The following PLCB3 variants were observed in gnomAD, a reference collection of about 807,000 sequenced individuals.
The protein encoded by PLCB3 is 1-phosphatidylinositol 4,5-bisphosphate phosphodiesterase beta-3.
A neutral mutation model predicts 152.1 loss-of-function variants in PLCB3; 54 were observed. The observed-to-expected ratio is 0.36, with a 90% confidence interval of 0.29 to 0.45. PLCB3 has a LOEUF of 0.45. PLCB3 is among the 20% of genes least tolerant of loss of function. The pLI is 1.00. For missense variants in PLCB3, 1,248 were observed against 1,687.5 expected (o/e 0.74, Z 4.56); for synonymous variants, 717 against 698.7 (o/e 1.03, Z -0.41).
In PLCB3 at chr11:64,255,634, A is replaced by ATG; in HGVS notation, c.597+18_597+19insTG. Reference sequence around the variant, plus strand: ...TCAACCGGGTGTGTGGGGTGGGGACAGGGGCGGGGTGGGGTGTCACGGTGG... The same window carrying ATG: ...TCAACCGGGTGTGTGGGGTGGGGACATGGGGGCGGGGTGGGGTGTCACGGTGG... On this transcript the variant is annotated intron_variant, in intron 7 of 30. Coordinates refer to ENST00000279230, the MANE Select transcript of PLCB3 (RefSeq NM_000932.5). The surrounding 1 kb of genome is among the most constrained non-coding windows in gnomAD (Gnocchi z 6.8). The ATG allele has an allele frequency of 3.4e-6, 2 of 583,234 alleles. No individual in the cohort carries two copies. The highest frequency in any genetic ancestry group is 6.1e-6 in the Non-Finnish European group (2 of 325,562). 36.1% of individuals were successfully genotyped at this position (583,234 alleles called of 1,614,324 possible). A position where few individuals can be genotyped will look rare whatever the true frequency, so the allele number is the denominator to read the frequency against.
chr11:64,256,997 C>CT lies in PLCB3; in HGVS notation c.1012+257dup, dbSNP rs5792316. On this transcript the variant is annotated intron_variant, in intron 10 of 30. Coordinates refer to ENST00000279230, the MANE Select transcript of PLCB3 (RefSeq NM_000932.5). ...CTGCAGCAGGAGAGACTTCAGGGTC[C>CT]TTTTTTTTTTTTTTTTTTTTTTTTG... 5.5e-3 allele frequency among the ~76,000 whole-genome samples: 336 copies of CT among 61,492 alleles called. 18 individuals are homozygous for CT. The highest frequency in any genetic ancestry group is 0.021 in the African/African-American group (310 of 14,916). 40.3% of individuals were successfully genotyped at this position (61,492 alleles called of 152,430 possible). A position where few individuals can be genotyped will look rare whatever the true frequency, so the allele number is the denominator to read the frequency against.
rs1277317788 is a variant in PLCB3 at position 64,258,499 on chromosome 11, G to C, written c.1039G>C (p.Val347Leu). ...TAGQLAGTSS[V>L]EMYRQALLWG... ...GGGGCAGCTGGCTGGGACCTCGTCG[G>C]TGGAGATGTACCGCCAGGCACTACT... The change falls in exon 11 of 31, where the codon GTG becomes CTG. Residue 347 changes from valine (V) to leucine (L), a missense_variant. Transcript: ENST00000279230. This position sits in a 1 kb window ranked among gnomAD's most constrained non-coding sequence, Gnocchi z 7.2. 6.2e-7 allele frequency: 1 copy of C among 1,613,580 alleles called. No homozygotes were observed. The highest frequency in any genetic ancestry group is 1.7e-5 in the Admixed American group (1 of 60,024).
rs148059922 is a variant in PLCB3, at chr11:64,265,919, G to C, written c.3069G>C (p.Glu1023Asp). 6.7e-4 allele frequency: 1,086 copies of C among 1,613,428 alleles called. 3 individuals are homozygous for C. In the African/African-American group the frequency reaches 0.013, roughly 19 times the overall value. The change falls in exon 26 of 31, where the codon GAG becomes GAC. Residue 1023 changes from glutamate to aspartate, a missense_variant. Physicochemically the swap from Glu to Asp is conservative, Grantham distance 45. Coordinates refer to ENST00000279230, the MANE Select transcript of PLCB3 (RefSeq NM_000932.5). Reference protein sequence around the residue: ...GGAADVEDTKEGEDEAKRYQE... With the variant: ...GGAADVEDTKDGEDEAKRYQE... ...CCGCTGATGTGGAGGACACGAAGGA[G>C]GGGGAGGACGAGGCAAAGCGGTATC...
At position 64,255,078 on chromosome 11, in the gene PLCB3, T is replaced by C; in HGVS notation, c.387+40T>C. On this transcript the variant is annotated intron_variant, in intron 4 of 30. Transcript: ENST00000279230. The surrounding 1 kb of genome is among the most constrained non-coding windows in gnomAD (Gnocchi z 6.8). ...AGGGGACGAAGGGGGAGTCACTGTC[T>C]TATTCTGTGAGTCGGCCGTCACTTA... 1 of 1,579,700 alleles carries C rather than the reference T, an allele frequency of 6.3e-7. No homozygotes were observed. Among genetic ancestry groups the C allele is most frequent in the Non-Finnish European group, 8.6e-7 (1 of 1,158,704 alleles).
chr11:64,254,674 G>A, intron 2 of PLCB3, 74 bp from the exon 3 acceptor site: 1 of 1,529,702 alleles, frequency 6.5e-7, no homozygotes, highest in South Asian at 1.1e-5. Flanking sequence ...CCCTGGCCTG[G>A]GTAGAGAGCT....
At chr11:64,252,705 G>A (rs1025843064) in intron 1 of PLCB3, among the ~76,000 whole-genome samples, 1 of 152,108 alleles carries the variant, frequency 6.6e-6, no homozygotes, top group African/African-American at 2.4e-5. Context: ...CCCAGGGGCC[G>A]GGGGAGACCC....
rs1305986535 is a variant in PLCB3 at position 64,255,932 on chromosome 11, G to A, written c.698+111G>A. ...AAACTGGTGGGCCGGGTCCTGGAGC[G>A]CCAGGGGGCGGAGGGGTGCCCAGGG... On this transcript the variant is annotated intron_variant, in intron 8 of 30. Transcript: ENST00000279230. This position sits in a 1 kb window ranked among gnomAD's most constrained non-coding sequence, Gnocchi z 6.8. 1.1e-4 allele frequency: 95 copies of A among 840,078 alleles called. No homozygotes were observed. Among genetic ancestry groups the A allele is most frequent in the Non-Finnish European group, 1.4e-4 (71 of 501,504 alleles). The allele number at this position is 840,078 out of a possible 1,614,324, so 52.0% of individuals were successfully genotyped here.
chr11:64,262,044 G>A lies in PLCB3; in HGVS notation c.2006G>A (p.Cys669Tyr). ...CCCCAGCTCTTCTGGAACGTAGGGT[G>A]CCAGCTTGTTGCGCTCAACTTCCAG... ...YMPQLFWNVG[C>Y]QLVALNFQTL... The change falls in exon 17 of 31, where the codon TGC becomes TAC. Residue 669 changes from cysteine (C) to tyrosine (Y), a missense_variant. Transcript: ENST00000279230. 6.2e-7 allele frequency: 1 copy of A among 1,614,152 alleles called. No individual in the cohort carries two copies. The highest frequency in any genetic ancestry group is 8.5e-7 in the Non-Finnish European group (1 of 1,179,998).
Position 64,267,676 on chromosome 11 carries a change from A to T in PLCB3, c.*120A>T. 2.4e-6 allele frequency: 2 copies of T among 840,502 alleles called. No individual in the cohort carries two copies. Among genetic ancestry groups the T allele is most frequent in the Non-Finnish European group, 1.8e-6 (1 of 557,922 alleles). 52.1% of individuals were successfully genotyped at this position (840,502 alleles called of 1,614,324 possible). A position where few individuals can be genotyped will look rare whatever the true frequency, so the allele number is the denominator to read the frequency against. On this transcript the variant is annotated 3_prime_UTR_variant, in exon 31 of 31. Coordinates refer to ENST00000279230, the MANE Select transcript of PLCB3 (RefSeq NM_000932.5). The surrounding 1 kb of genome is among the most constrained non-coding windows in gnomAD (Gnocchi z 5.2). ...TTTATCTAGAAATTTTATTTTTTTA[A>T]ACCCGGGGCAAGTACCTCAGCTAAC...
At position 64,255,894 on chromosome 11, in the gene PLCB3, A is replaced by T; in HGVS notation, c.698+73A>T. The T allele has an allele frequency of 8.6e-7, 1 of 1,157,932 alleles. No homozygotes were observed. The highest frequency in any genetic ancestry group is 1.3e-6 in the Non-Finnish European group (1 of 768,120). 71.7% of individuals were successfully genotyped at this position (1,157,932 alleles called of 1,614,324 possible). A position where few individuals can be genotyped will look rare whatever the true frequency, so the allele number is the denominator to read the frequency against. On this transcript the variant is annotated intron_variant, in intron 8 of 30. Coordinates refer to ENST00000279230, the MANE Select transcript of PLCB3 (RefSeq NM_000932.5). The surrounding 1 kb of genome is among the most constrained non-coding windows in gnomAD (Gnocchi z 6.8). The stretch of plus-strand genomic sequence containing the variant: ...TTCTGCTTAGCGTGCCTCTAGCTCA[A>T]TGGGGAGAGGGGAAACTGGTGGGCC...
In PLCB3 at chr11:64,255,092, G is replaced by A. The variant is rs1040835588; in HGVS notation, c.387+54G>A. On this transcript the variant is annotated intron_variant, in intron 4 of 30. Coordinates refer to ENST00000279230, the MANE Select transcript of PLCB3 (RefSeq NM_000932.5). This position sits in a 1 kb window ranked among gnomAD's most constrained non-coding sequence, Gnocchi z 6.8. ...GAGTCACTGTCTTATTCTGTGAGTC[G>A]GCCGTCACTTACCGAACACCTGCTG... is the stretch of plus-strand genomic sequence containing the variant. 1.3e-5 allele frequency: 20 copies of A among 1,569,896 alleles called. No homozygotes were observed. The African/African-American group carries it at 1.8e-4, about 14-fold the overall frequency.
chr11:64,253,874 G>A (rs1027255951), intron 1 of PLCB3, among the ~76,000 whole-genome samples: 4 of 152,326 alleles, frequency 2.6e-5, no homozygotes, highest in African/African-American at 4.8e-5. Flanking sequence ...GGCAGATGTG[G>A]TAAGGTGGAT....
At position 64,262,675 on chromosome 11, in the gene PLCB3, G is replaced by A. The variant is rs761974335; in HGVS notation, c.2222G>A (p.Arg741Lys). 6 of 1,613,906 alleles carry A rather than the reference G, an allele frequency of 3.7e-6. No homozygotes were observed. In the African/African-American group the frequency reaches 8.0e-5, roughly 22 times the overall value. ...KVISGQFLSD[R>K]KVGIYVEVDM... Reference sequence around the variant, plus strand: ...ATCTCAGGGCAGTTCCTGTCCGACAGGAAGGTGGGCATCTACGTGGAGGTG... The same window carrying A: ...ATCTCAGGGCAGTTCCTGTCCGACAAGAAGGTGGGCATCTACGTGGAGGTG... Residue 741 changes from arginine (R) to lysine (K), a missense_variant, in exon 19 of 31, where the codon AGG becomes AAG. This residue lies in a region of PLCB3 where 244 missense variants were observed against 424.4 expected (regional missense o/e 0.57). Transcript: ENST00000279230.
Position 64,267,491 on chromosome 11 carries a change from C to A in PLCB3, c.3640C>A (p.Pro1214Thr). ...GGCCTGTGCCAGCAACGGTCACGCA[C>A]CCGGGAGCAGCGGGCACCTGTCGGG... ...LVACASNGHA[P>T]GSSGHLSGAD... The change falls in exon 31 of 31, where the codon CCC (proline) becomes ACC (threonine). Residue 1214 changes from proline (P) to threonine (T), a missense_variant. Physicochemically the swap from Pro to Thr is conservative, Grantham distance 38. This residue lies in a region of PLCB3 where 477 missense variants were observed against 489.6 expected (regional missense o/e 0.97). Coordinates refer to ENST00000279230, the MANE Select transcript of PLCB3 (RefSeq NM_000932.5). The surrounding 1 kb of genome is among the most constrained non-coding windows in gnomAD (Gnocchi z 5.2). The A allele has an allele frequency of 6.4e-7, 1 of 1,568,996 alleles. No individual in the cohort carries two copies. Among genetic ancestry groups the A allele is most frequent in the Non-Finnish European group, 8.6e-7 (1 of 1,161,582 alleles).
At position 64,263,604 on chromosome 11, in the gene PLCB3, C is replaced by T. The variant is rs1007099094; in HGVS notation, c.2455+7C>T. On this transcript the variant is annotated splice_region_variant and intron_variant, in intron 20 of 30. Transcript: ENST00000279230. ...GTCTCTGCCATCCGCTCCGGTGAGG[C>T]CTTGGTGGGCTCTGGGCAGCACAGC... 1 of 1,609,458 alleles carries T rather than the reference C, an allele frequency of 6.2e-7. No individual in the cohort carries two copies. The highest frequency in any genetic ancestry group is 1.3e-5 in the African/African-American group (1 of 74,988).
At chr11:64,256,091 TTG>T (rs1056328909) in intron 8 of PLCB3, among the ~76,000 whole-genome samples, 6 of 152,138 alleles carry the variant, frequency 3.9e-5, no homozygotes, top group Non-Finnish European at 8.8e-5. Flanking sequence ...CTCAGGTGTG[TTG>T]TGAGGTCTGG....
rs575768540 is a variant in PLCB3 at position 64,261,840 on chromosome 11, C to G, written c.1914-112C>G. ...GGCAGTCTCAGGGGGCATGGCTAGG[C>G]TAAGAAACAGAGGCCGGGTGTGGGG... On this transcript the variant is annotated intron_variant, in intron 16 of 30. Coordinates refer to ENST00000279230, the MANE Select transcript of PLCB3 (RefSeq NM_000932.5). 4.8e-5 allele frequency: 74 copies of G among 1,528,858 alleles called. No individual in the cohort carries two copies. In the South Asian group the frequency reaches 8.1e-4, roughly 17 times the overall value. The allele number at this position is 1,528,858 out of a possible 1,614,324, so 94.7% of individuals were successfully genotyped here.
intron 14 of PLCB3, among the ~76,000 whole-genome samples, chr11:64,260,801 A>G (rs1565334510): frequency 6.8e-6 from 1 of 147,466 alleles, no homozygotes; most frequent in South Asian, 2.1e-4. Flanking sequence ...AAAAGACATC[A>G]TTGCTATAAA....
In PLCB3 at chr11:64,256,767, G is replaced by C. The variant is rs761653844; in HGVS notation, c.1012+3G>C. The C allele has an allele frequency of 2.2e-5, 36 of 1,613,720 alleles. No homozygotes were observed. In the South Asian group the frequency reaches 3.2e-4, roughly 14 times the overall value. On this transcript the variant is annotated splice_donor_region_variant and intron_variant, in intron 10 of 30. Coordinates refer to ENST00000279230, the MANE Select transcript of PLCB3 (RefSeq NM_000932.5). ...CTCGCATAACACCTATCTCACTGGT[G>C]AGTGGGGAGCAAGGGTGGCACCCGT... is the stretch of plus-strand genomic sequence containing the variant.
Sources: allele counts gnomAD v4.1 joint callset (sites outside exome capture counted in the v4.1 genomes callset), GRCh38; gene constraint gnomAD v4.1.1; regional missense constraint gnomAD v4.1.1; non-coding constraint Gnocchi (gnomAD v3.1); transcripts MANE v1.5; gene names NCBI Gene and HGNC (gene_info 2026-07-23, HGNC 2026-07-21).